The following MIA2 variants were observed in gnomAD, a reference collection of about 807,000 sequenced individuals.
MIA2 encodes MIA SH3 domain ER export factor 2, also known as melanoma inhibitory activity protein 2.
MIA2 carries 127 observed loss-of-function variants against 167.8 expected under a neutral mutation model. That is an observed-to-expected ratio of 0.76 (90% CI 0.66 to 0.88). The LOEUF is 0.88. MIA2 is among the 40% of genes least tolerant of loss of function. The pLI, the probability that MIA2 is intolerant of heterozygous loss-of-function variation, is 0.00. For synonymous variants in MIA2, 552 were observed against 541.9 expected (o/e 1.02, Z -0.26); for missense variants, 1,690 against 1,624.7 (o/e 1.04, Z -0.69).
chr14:39,316,536 A>G (rs913729953), intron 21 of MIA2, among the ~76,000 whole-genome samples: 1 of 152,224 alleles, frequency 6.6e-6, no homozygotes, highest in African/African-American at 2.4e-5. Flanking sequence ...CACAGTATAC[A>G]TTCAGTGAAT....
intron 14 of MIA2, among the ~76,000 whole-genome samples, chr14:39,300,214 A>G (rs909949976): frequency 6.6e-6 from 1 of 152,090 alleles, no homozygotes; most frequent in Non-Finnish European, 1.5e-5. Context: ...TCTTCTCTGT[A>G]TTTTAGCCTA....
chr14:39,289,916 C>T (rs1306139380), intron 9 of MIA2, among the ~76,000 whole-genome samples: 1 of 152,172 alleles, frequency 6.6e-6, no homozygotes, highest in Non-Finnish European at 1.5e-5. Context: ...TATGTCACCC[C>T]AGTTTCTGCT....
intron 23 of MIA2, among the ~76,000 whole-genome samples, chr14:39,365,342 G>A (rs2074796464): frequency 6.6e-6 from 1 of 152,200 alleles, no homozygotes; most frequent in Admixed American, 6.5e-5. Flanking sequence ...GTACAGGCAT[G>A]AGCCACTGCA....
At chr14:39,349,028 C>A in intron 28 of MIA2, 51 bp downstream of exon 28, 1 of 1,562,140 alleles carries the variant, frequency 6.4e-7, no homozygotes, top group East Asian at 2.2e-5. Context: ...GTTTATTAAT[C>A]GGAGATTTAA....
At chr14:39,255,383 C>A (rs1046739373) in intron 6 of MIA2, among the ~76,000 whole-genome samples, 4 of 152,136 alleles carry the variant, frequency 2.6e-5, no homozygotes, top group Non-Finnish European at 5.9e-5. Flanking sequence ...TGGCGCGCAT[C>A]TATAATCCCA....
chr14:39,325,646 T>C (rs980173952), intron 24 of MIA2, among the ~76,000 whole-genome samples: 58 of 149,028 alleles, frequency 3.9e-4, no homozygotes, highest in South Asian at 1.7e-3. Context: ...GGATTACAGG[T>C]GTGAGCCACC....
intron 25 of MIA2, among the ~76,000 whole-genome samples, chr14:39,332,469 A>G (rs894476436): frequency 3.3e-5 from 5 of 152,094 alleles, no homozygotes; most frequent in African/African-American, 9.7e-5. Flanking sequence ...TTGTCTGTCC[A>G]GTTTTGTTCC....
At position 39,248,011 on chromosome 14, in the gene MIA2, G is replaced by C. The variant is rs1441050150; in HGVS notation, c.1437G>C (p.Leu479Phe). The C allele has an allele frequency of 1.6e-5, 25 of 1,575,040 alleles. No individual in the cohort carries two copies. The East Asian group carries it at 5.6e-4, about 35-fold the overall frequency. ...AGAACATTCCAAAGGAAACAGAATT[G>C]CCATTTCCCAAACAGATACTGGATC... ...NFQNIPKETE[L>F]PFPKQILDQN... Residue 479 changes from leucine to phenylalanine, a missense_variant, in exon 4 of 29, where the codon TTG becomes TTC. Transcript: ENST00000640607.
At chr14:39,266,201 C>T in intron 6 of MIA2, 2 of 985,272 alleles carry the variant, frequency 2.0e-6, no homozygotes, top group Non-Finnish European at 2.4e-6. Context: ...GTTGCTTCAC[C>T]AAAGTACTTG....
chr14:39,295,753 T>C (rs901993792), intron 13 of MIA2, among the ~76,000 whole-genome samples: 1 of 152,048 alleles, frequency 6.6e-6, no homozygotes, highest in Non-Finnish European at 1.5e-5. Context: ...AGAGATAGGG[T>C]TTCACCATAT....
intron 6 of MIA2, among the ~76,000 whole-genome samples, chr14:39,268,090 C>T (rs1044082276): frequency 6.6e-6 from 1 of 151,712 alleles, no homozygotes; most frequent in African/African-American, 2.4e-5. Flanking sequence ...TAGTAAACTC[C>T]CAGTGTTCAA....
chr14:39,324,806 C>G (rs935450626), intron 24 of MIA2, among the ~76,000 whole-genome samples: 1 of 152,022 alleles, frequency 6.6e-6, no homozygotes, highest in African/African-American at 2.4e-5. Context: ...GGGGTTTCAC[C>G]ATGTTGGCCA....
In MIA2 at chr14:39,350,324, T is replaced by C; in HGVS notation, c.*60T>C. 1.5e-6 allele frequency: 1 copy of C among 682,962 alleles called. No individual in the cohort carries two copies. Among genetic ancestry groups the C allele is most frequent in the Non-Finnish European group, 2.4e-6 (1 of 418,950 alleles). The allele number at this position is 682,962 out of a possible 1,614,324, so 42.3% of individuals were successfully genotyped here. A position where few individuals can be genotyped will look rare whatever the true frequency, so the allele number is the denominator to read the frequency against. On this transcript the variant is annotated 3_prime_UTR_variant, in exon 29 of 29. Coordinates refer to ENST00000640607, the MANE Select transcript of MIA2 (RefSeq NM_001329214.4). ...TGATCTCATTTTCAGTTTAAGTAACTGCTGTTACTTAAGTGATTACACTTT... is the reference window on the plus strand; with the variant it reads ...TGATCTCATTTTCAGTTTAAGTAACCGCTGTTACTTAAGTGATTACACTTT...
chr14:39,263,461 T>G (rs1413091440), intron 6 of MIA2, among the ~76,000 whole-genome samples: 2 of 151,918 alleles, frequency 1.3e-5, no homozygotes, highest in Non-Finnish European at 1.5e-5. Context: ...CTGGAGCTCC[T>G]GAGCTCAAGG....
intron 23 of MIA2, among the ~76,000 whole-genome samples, chr14:39,360,852 T>C (rs2074667665): frequency 6.6e-6 from 1 of 152,228 alleles, no homozygotes; most frequent in Non-Finnish European, 1.5e-5. Flanking sequence ...GATAAGGGTC[T>C]GGTTTCATTC....
At chr14:39,243,640 T>TG (rs1325478184) in intron 3 of MIA2, among the ~76,000 whole-genome samples, 1 of 152,078 alleles carries the variant, frequency 6.6e-6, no homozygotes, top group Admixed American at 6.5e-5. Flanking sequence ...CCAAGGCAGG[T>TG]GGATCATCTG....
downstream of MIA2, among the ~76,000 whole-genome samples, chr14:39,352,806 T>G (rs1433138613): frequency 6.6e-6 from 1 of 152,216 alleles, no homozygotes; most frequent in African/African-American, 2.4e-5. Flanking sequence ...GAAGTATGTA[T>G]GCATGTAGAA....
intron 1 of MIA2, 75 bp from the exon 2 acceptor site, chr14:39,236,847 G>A (rs924503097): frequency 1.5e-6 from 2 of 1,367,112 alleles, no homozygotes; most frequent in Admixed American, 2.3e-5. Flanking sequence ...GATGGATTGA[G>A]GGACAGCAAG....
At chr14:39,328,040 G>A (rs539578948) in intron 25 of MIA2, among the ~76,000 whole-genome samples, 30 of 152,272 alleles carry the variant, frequency 2.0e-4, no homozygotes, top group South Asian at 1.2e-3. Context: ...TTGAGGAATC[G>A]CCACACTGTC....
Sources: allele counts gnomAD v4.1 joint callset (sites outside exome capture counted in the v4.1 genomes callset), GRCh38; gene constraint gnomAD v4.1.1; transcripts MANE v1.5; gene names NCBI Gene and HGNC (gene_info 2026-07-23, HGNC 2026-07-21).